OPN5: variants seen among roughly 807,000 people sequenced by gnomAD.
The protein encoded by OPN5 is opsin 5, also known as opsin-5.
OPN5 carries 18 observed loss-of-function variants against 41.7 expected under a neutral mutation model. The ratio of observed to expected loss-of-function variants is 0.43; its 90% CI spans 0.30 to 0.64. The LOEUF is 0.64. OPN5 is among the 30% of genes least tolerant of loss of function. The pLI, the probability that OPN5 is intolerant of heterozygous loss-of-function variation, is 0.13. For synonymous variants in OPN5, 178 were observed against 164.3 expected, an observed-to-expected ratio of 1.08 and a Z score of -0.64; for missense variants, 318 against 434.5, an observed-to-expected ratio of 0.73 and a Z score of 2.38.
intron 2 of OPN5, chr6:47,787,256 C>T (rs1483023596): frequency 4.6e-6 from 3 of 655,084 alleles, no homozygotes; most frequent in Non-Finnish European, 5.7e-6. Context: ...ACCTGGGCAT[C>T]AGGATATTTA....
intron 3 of OPN5, among the ~76,000 whole-genome samples, chr6:47,794,137 T>C (rs773254475): frequency 5.3e-5 from 8 of 152,212 alleles, no homozygotes; most frequent in South Asian, 2.1e-4. Context: ...ATTTAACCCA[T>C]ATGCAATATA....
At chr6:47,782,703 C>T (rs7764303) in intron 1 of OPN5, among the ~76,000 whole-genome samples, 117,447 of 152,122 alleles carry the variant, frequency 0.77, 45,575 homozygotes, top group East Asian at 0.93. Flanking sequence ...AAAGTAAAGT[C>T]GCATCAAAAT....
intron 4 of OPN5, among the ~76,000 whole-genome samples, chr6:47,801,675 C>T (rs1773779386): frequency 6.6e-6 from 1 of 152,198 alleles, no homozygotes; most frequent in South Asian, 2.1e-4. Context: ...TCATTGCAGC[C>T]TTTACGTTAT....
intron 5 of OPN5, among the ~76,000 whole-genome samples, chr6:47,809,861 G>A (rs1774122803): frequency 6.6e-6 from 1 of 152,216 alleles, no homozygotes; most frequent in Non-Finnish European, 1.5e-5. Flanking sequence ...TAATAGAGCA[G>A]TTGTGGGAGA....
At chr6:47,801,130 A>G (rs1280420776) in intron 4 of OPN5, among the ~76,000 whole-genome samples, 1 of 152,198 alleles carries the variant, frequency 6.6e-6, no homozygotes, top group Non-Finnish European at 1.5e-5. Context: ...ACTGAATCAC[A>G]TGTTTATAGC....
intron 6 of OPN5, 79 bp from the exon 7 acceptor site, chr6:47,823,904 G>A: frequency 1.0e-6 from 1 of 984,244 alleles, no homozygotes; most frequent in Non-Finnish European, 1.6e-6. Context: ...GTATGTTTAG[G>A]CTCTGAATTT....
chr6:47,790,489 T>A lies in OPN5; in HGVS notation c.251-1313T>A, dbSNP rs540541854. Among the ~76,000 whole-genome samples, 10 of 152,326 alleles carry A rather than the reference T, an allele frequency of 6.6e-5. 1 individual carries two copies. The South Asian group carries it at 2.1e-3, about 32-fold the overall frequency. Reference sequence around the variant, plus strand: ...CATGAACACATGAAAATTGCTGGGCTATATAATTATCCTCCCTCCTTCACC... The same window carrying A: ...CATGAACACATGAAAATTGCTGGGCAATATAATTATCCTCCCTCCTTCACC... On this transcript the variant is annotated intron_variant, in intron 2 of 6. Coordinates refer to ENST00000371211, the Ensembl canonical transcript of OPN5.
At chr6:47,823,819 C>T (rs1762711621) in intron 6 of OPN5, among the ~76,000 whole-genome samples, 164 bp from the exon 7 acceptor site, 1 of 152,122 alleles carries the variant, frequency 6.6e-6, no homozygotes, top group African/African-American at 2.4e-5. Context: ...GCAAAGAGGA[C>T]TCTGTGGGTT....
At chr6:47,812,264 G>A (rs954369330) in intron 6 of OPN5, among the ~76,000 whole-genome samples, 1 of 152,026 alleles carries the variant, frequency 6.6e-6, no homozygotes, top group South Asian at 2.1e-4. Context: ...AATCAGTTTT[G>A]CCTTAAATCA....
intron 1 of OPN5, among the ~76,000 whole-genome samples, chr6:47,784,984 A>G (rs1366007572): frequency 2.6e-5 from 4 of 152,190 alleles, no homozygotes; most frequent in African/African-American, 9.7e-5. Flanking sequence ...ATTTACATGC[A>G]ATGAATAGAG....
At chr6:47,811,816 C>A (rs551093630) in intron 6 of OPN5, 85 bp downstream of exon 6, 12 of 840,998 alleles carry the variant, frequency 1.4e-5, no homozygotes, top group Middle Eastern at 2.3e-4. Flanking sequence ...ATTGTGGCCA[C>A]ACTTTTGTCT....
exon 5 of OPN5, chr6:47,808,393 C>T: frequency 1.9e-6 from 3 of 1,614,022 alleles, no homozygotes; most frequent in Non-Finnish European, 1.7e-6. Context: ...TGGAAGGCTT[C>T]AGGTAAAACT....
At chr6:47,800,778 A>C (rs1773741558) in intron 4 of OPN5, among the ~76,000 whole-genome samples, 1 of 152,218 alleles carries the variant, frequency 6.6e-6, no homozygotes, top group Non-Finnish European at 1.5e-5. Flanking sequence ...GTGTTAGAAC[A>C]GCTCAGTTCA....
Position 47,808,144 on chromosome 6 carries a change from C to G in OPN5, c.757-10C>G. 1 of 1,613,546 alleles carries G rather than the reference C, an allele frequency of 6.2e-7. No individual in the cohort carries two copies. The highest frequency in any genetic ancestry group is 8.5e-7 in the Non-Finnish European group (1 of 1,179,660). Reference sequence around the variant, plus strand: ...TCTTGATTCTTTTCTCTGTTGCTTTCCCTCATCAGGTAGCGATGTTGATTT... The same window carrying G: ...TCTTGATTCTTTTCTCTGTTGCTTTGCCTCATCAGGTAGCGATGTTGATTT... On this transcript the variant is annotated splice_polypyrimidine_tract_variant and intron_variant, in intron 4 of 6. Coordinates refer to ENST00000371211, the Ensembl canonical transcript of OPN5.
At chr6:47,809,809 C>A (rs1774120575) in intron 5 of OPN5, among the ~76,000 whole-genome samples, 1 of 152,188 alleles carries the variant, frequency 6.6e-6, no homozygotes, top group African/African-American at 2.4e-5. Flanking sequence ...TCCTCACTGG[C>A]TATTGATATT....
chr6:47,805,305 T>G (rs556913540), intron 4 of OPN5, among the ~76,000 whole-genome samples: 1 of 152,272 alleles, frequency 6.6e-6, no homozygotes, highest in South Asian at 2.1e-4. Context: ...AGGTGAGAAT[T>G]TTGGCCAAGG....
chr6:47,811,682 C>A (rs1375245013), exon 6 of OPN5: 4 of 1,611,670 alleles, frequency 2.5e-6, no homozygotes, highest in Non-Finnish European at 3.4e-6. Flanking sequence ...AGGCTGCACA[C>A]CGTAACCACA....
chr6:47,788,512 C>T (rs957257317), intron 2 of OPN5, among the ~76,000 whole-genome samples: 6 of 152,194 alleles, frequency 3.9e-5, no homozygotes, highest in African/African-American at 1.4e-4. Flanking sequence ...GAGTAATTCA[C>T]CAGAAACCAC....
At chr6:47,802,533 C>T (rs1773814833) in intron 4 of OPN5, among the ~76,000 whole-genome samples, 1 of 152,136 alleles carries the variant, frequency 6.6e-6, no homozygotes, top group Admixed American at 6.6e-5. Flanking sequence ...ATCTCAGTTA[C>T]CTTCTAAACT....
Sources: allele counts gnomAD v4.1 joint callset (sites outside exome capture counted in the v4.1 genomes callset), GRCh38; gene constraint gnomAD v4.1.1; transcripts MANE v1.5; gene names NCBI Gene and HGNC (gene_info 2026-07-23, HGNC 2026-07-21).